GXYLT2: variants seen among roughly 807,000 people sequenced by gnomAD.
The protein encoded by GXYLT2 is glucoside xylosyltransferase 2, also known as glycosyltransferase 8 domain containing 4.
Under a neutral mutation model 45.8 loss-of-function variants are expected in GXYLT2, and 53 were observed. That is an observed-to-expected ratio of 1.16 (90% CI 0.93 to 1.46). GXYLT2 has a LOEUF of 1.46. Ranked by LOEUF, GXYLT2 falls within the 40% of genes most tolerant of loss-of-function variation. GXYLT2 has a pLI of 0.00. For missense variants in GXYLT2, 551 were observed against 544.4 expected (o/e 1.01, Z -0.12); for synonymous variants, 219 against 214.2 (o/e 1.02, Z -0.19).
At chr3:72,955,017 G>T (rs768553381) in intron 3 of GXYLT2, 81 bp from the exon 4 acceptor site, 205 of 1,448,372 alleles carry the variant, frequency 1.4e-4, no homozygotes, top group Non-Finnish European at 1.8e-4. Flanking sequence ...TACCTATCAG[G>T]CTACTTCCTT....
At chr3:72,898,470 G>T (rs1486178923) in intron 1 of GXYLT2, among the ~76,000 whole-genome samples, 1 of 152,244 alleles carries the variant, frequency 6.6e-6, no homozygotes, top group East Asian at 1.9e-4. Context: ...CTATATGTCA[G>T]GAACAATCAT....
At chr3:72,921,062 C>A (rs1008543122) in intron 2 of GXYLT2, among the ~76,000 whole-genome samples, 1 of 152,030 alleles carries the variant, frequency 6.6e-6, no homozygotes, top group African/African-American at 2.4e-5. Context: ...CTCAAGTGAT[C>A]CCCCTGCCTG....
intron 6 of GXYLT2, among the ~76,000 whole-genome samples, chr3:72,968,896 A>C (rs1184540189): frequency 6.6e-6 from 1 of 151,844 alleles, no homozygotes; most frequent in Non-Finnish European, 1.5e-5. Flanking sequence ...TCTCTACTAA[A>C]AAATACAAAA....
chr3:72,924,080 A>C (rs1437597177), intron 3 of GXYLT2, among the ~76,000 whole-genome samples: 1 of 152,210 alleles, frequency 6.6e-6, no homozygotes, highest in Non-Finnish European at 1.5e-5. Context: ...GTTTAAGAAA[A>C]TAAAAGAAGG....
chr3:72,931,450 C>T (rs1044974523), intron 3 of GXYLT2, among the ~76,000 whole-genome samples: 1 of 151,878 alleles, frequency 6.6e-6, no homozygotes, highest in Non-Finnish European at 1.5e-5. Flanking sequence ...AGGATGGTCT[C>T]GATCTCCTGA....
chr3:72,907,371 C>A (rs1365375293), intron 1 of GXYLT2, among the ~76,000 whole-genome samples: 2 of 152,174 alleles, frequency 1.3e-5, no homozygotes, highest in African/African-American at 2.4e-5. Flanking sequence ...AATAATGGAG[C>A]AGCAAGCTGA....
chr3:72,919,848 C>CTGTAA (rs1709800296), intron 2 of GXYLT2, among the ~76,000 whole-genome samples: 2 of 152,272 alleles, frequency 1.3e-5, no homozygotes, highest in South Asian at 4.2e-4. Flanking sequence ...GTTCTGTATA[C>CTGTAA]TGTAATGATA....
At chr3:72,918,714 C>A (rs566333700) in intron 2 of GXYLT2, among the ~76,000 whole-genome samples, 1 of 152,024 alleles carries the variant, frequency 6.6e-6, no homozygotes, top group East Asian at 1.9e-4. Flanking sequence ...ACTCGGGAGG[C>A]TACTCGGGTA....
intron 2 of GXYLT2, among the ~76,000 whole-genome samples, chr3:72,916,761 G>A (rs1291830517): frequency 1.3e-5 from 2 of 151,430 alleles, no homozygotes; most frequent in East Asian, 1.9e-4. Context: ...GGCTGGTCCC[G>A]AACTCCTGAC....
intron 5 of GXYLT2, among the ~76,000 whole-genome samples, chr3:72,959,824 A>G (rs1199575516): frequency 6.6e-6 from 1 of 151,674 alleles, no homozygotes; most frequent in Non-Finnish European, 1.5e-5. Context: ...TAGTAGAGAC[A>G]GGGTTTCGCC....
chr3:72,903,664 C>G (rs1443385721), intron 1 of GXYLT2, among the ~76,000 whole-genome samples: 1 of 152,116 alleles, frequency 6.6e-6, no homozygotes, highest in Non-Finnish European at 1.5e-5. Flanking sequence ...TGTTTGGCAT[C>G]TCTTCCAGCC....
intron 2 of GXYLT2, among the ~76,000 whole-genome samples, chr3:72,915,258 A>G (rs1399753878): frequency 6.6e-6 from 1 of 151,730 alleles, no homozygotes; most frequent in Non-Finnish European, 1.5e-5. Flanking sequence ...AAGAAAGAAA[A>G]AAAAGCACCA....
intron 3 of GXYLT2, among the ~76,000 whole-genome samples, chr3:72,938,144 G>T (rs72881985): frequency 6.6e-6 from 1 of 152,122 alleles, no homozygotes; most frequent in Non-Finnish European, 1.5e-5. Context: ...TTGATCTTCT[G>T]CACCTACAGA....
chr3:72,964,270 T>C (rs527968772), intron 5 of GXYLT2, among the ~76,000 whole-genome samples: 1 of 152,274 alleles, frequency 6.6e-6, no homozygotes, highest in East Asian at 1.9e-4. Context: ...TGCCCCTCAC[T>C]GGGCTCAGTC....
chr3:72,923,447 A>G (rs1225633438), intron 3 of GXYLT2, among the ~76,000 whole-genome samples: 2 of 151,544 alleles, frequency 1.3e-5, no homozygotes, highest in African/African-American at 4.9e-5. Context: ...AATTTTAAAA[A>G]TCAAATAATA....
intron 1 of GXYLT2, among the ~76,000 whole-genome samples, chr3:72,902,713 G>A (rs1453017704): frequency 8.0e-6 from 1 of 125,204 alleles, no homozygotes; most frequent in African/African-American, 2.8e-5. Flanking sequence ...AAGGCCAGGT[G>A]CGGTGGCTCA....
chr3:72,975,180 T>G lies in GXYLT2; in HGVS notation c.*21T>G. Reference sequence around the variant, plus strand: ...ACTGAATATTTTGTCTTGTTGCAAGTCAATTAGGTGTCTTGTGACCAAGGA... The same window carrying G: ...ACTGAATATTTTGTCTTGTTGCAAGGCAATTAGGTGTCTTGTGACCAAGGA... On this transcript the variant is annotated 3_prime_UTR_variant, in exon 7 of 7. Coordinates refer to ENST00000389617, the MANE Select transcript of GXYLT2 (RefSeq NM_001080393.2). 6.3e-7 allele frequency: 1 copy of G among 1,589,192 alleles called. No individual in the cohort carries two copies.
intron 1 of GXYLT2, among the ~76,000 whole-genome samples, chr3:72,890,861 A>C (rs1366927282): frequency 6.6e-6 from 1 of 152,210 alleles, no homozygotes. Flanking sequence ...CCAACACCAT[A>C]GGAATACAGA....
At chr3:72,915,310 G>A (rs574823479) in intron 2 of GXYLT2, among the ~76,000 whole-genome samples, 1 of 141,398 alleles carries the variant, frequency 7.1e-6, no homozygotes, top group African/African-American at 2.7e-5. Flanking sequence ...TTAGAGGACG[G>A]GGACCATGCC....
Sources: allele counts gnomAD v4.1 joint callset (sites outside exome capture counted in the v4.1 genomes callset), GRCh38; gene constraint gnomAD v4.1.1; transcripts MANE v1.5; gene names NCBI Gene and HGNC (gene_info 2026-07-23, HGNC 2026-07-21).